The following SLC7A8 variants were observed in gnomAD, a reference collection of about 807,000 sequenced individuals.
The protein encoded by SLC7A8 is solute carrier family 7 member 8, also known as large neutral amino acids transporter small subunit 2.
SLC7A8 carries 30 observed loss-of-function variants against 51.2 expected under a neutral mutation model. The ratio of observed to expected loss-of-function variants is 0.59; its 90% CI spans 0.44 to 0.80. The LOEUF (loss-of-function observed/expected upper bound fraction) is 0.80. Ranked by LOEUF, SLC7A8 falls within the 30% of genes least tolerant of loss-of-function variation. The pLI is 0.00. For synonymous variants in SLC7A8, 257 were observed against 275.8 expected (o/e 0.93, Z 0.67); for missense variants, 612 against 674.4 (o/e 0.91, Z 1.03).
Position 23,140,627 on chromosome 14 carries a change from G to T in SLC7A8, c.635-3C>A, listed in dbSNP as rs764872443. 3.7e-6 allele frequency: 6 copies of T among 1,609,486 alleles called. No individual in the cohort carries two copies. The Admixed American group carries it at 5.0e-5, about 13-fold the overall frequency. ...TGGCTCCAGCCAGAAGTACTCTCCT[G>T]TGGACACAAGCAACAGGAGGCCGCT... On this transcript the variant is annotated splice_polypyrimidine_tract_variant and splice_region_variant and intron_variant, in intron 4 of 10. Transcript: ENST00000316902.
intron 1 of SLC7A8, among the ~76,000 whole-genome samples, chr14:23,173,283 T>C (rs1487040467): frequency 2.0e-5 from 3 of 152,136 alleles, no homozygotes; most frequent in African/African-American, 7.2e-5. Context: ...ATGGCAAGAT[T>C]TTAATGGGTG....
intron 3 of SLC7A8, among the ~76,000 whole-genome samples, chr14:23,163,976 T>G (rs2048936555): frequency 6.6e-6 from 1 of 151,982 alleles, no homozygotes; most frequent in African/African-American, 2.4e-5. Flanking sequence ...CTTTTTTTTT[T>G]TTAGAGACAG....
chr14:23,133,123 C>A (rs1175651586), intron 7 of SLC7A8, among the ~76,000 whole-genome samples: 1 of 152,022 alleles, frequency 6.6e-6, no homozygotes, highest in Non-Finnish European at 1.5e-5. Context: ...TATATCCTGT[C>A]TTGTGGGATT....
At chr14:23,161,757 A>G (rs1566370419) in intron 3 of SLC7A8, among the ~76,000 whole-genome samples, 2 of 152,076 alleles carry the variant, frequency 1.3e-5, no homozygotes, top group African/African-American at 4.8e-5. Flanking sequence ...GGGAAACCCC[A>G]TCTCTACTAA....
At chr14:23,139,011 G>A (rs2048716720) in intron 6 of SLC7A8, among the ~76,000 whole-genome samples, 1 of 152,204 alleles carries the variant, frequency 6.6e-6, no homozygotes, top group Non-Finnish European at 1.5e-5. Context: ...TTCTGGAGGA[G>A]AAGGCAGAGA....
At chr14:23,149,236 T>C (rs924484790) in intron 3 of SLC7A8, among the ~76,000 whole-genome samples, 2 of 152,210 alleles carry the variant, frequency 1.3e-5, no homozygotes, top group Non-Finnish European at 2.9e-5. Flanking sequence ...TTCAATACAG[T>C]AGCAAACAGC....
intron 6 of SLC7A8, among the ~76,000 whole-genome samples, chr14:23,138,493 G>A (rs1443949006): frequency 4.6e-5 from 7 of 151,338 alleles, no homozygotes; most frequent in Non-Finnish European, 2.9e-5. Flanking sequence ...GCTAGGAGCT[G>A]TGAGACCTTG....
intron 3 of SLC7A8, among the ~76,000 whole-genome samples, chr14:23,156,993 C>T (rs2140329804): frequency 6.6e-6 from 1 of 152,328 alleles, no homozygotes; most frequent in South Asian, 2.1e-4. Flanking sequence ...AGGTAACTTA[C>T]TTACTCTGCC....
intron 1 of SLC7A8, among the ~76,000 whole-genome samples, chr14:23,167,569 G>A (rs999125061): frequency 2.0e-5 from 3 of 152,058 alleles, no homozygotes; most frequent in Non-Finnish European, 2.9e-5. Flanking sequence ...TGTGTGTTAC[G>A]CAGACGAGGA....
In SLC7A8 at chr14:23,129,755, T is replaced by C. The variant is rs1056820390; in HGVS notation, c.1158A>G (p.Thr386=). The C allele has an allele frequency of 6.2e-7, 1 of 1,614,000 alleles. No individual in the cohort carries two copies. Among genetic ancestry groups the C allele is most frequent in the South Asian group, 1.1e-5 (1 of 91,068 alleles). The change falls in exon 9 of 11, where the codon ACA becomes ACG. Residue 386 remains threonine (T), a synonymous_variant. Coordinates refer to ENST00000316902, the MANE Select transcript of SLC7A8 (RefSeq NM_012244.4). ...TGATGAAGCCCACATAGTTGATGAGTGTGTACATGTCGCTGGTGACCAGCA... is the reference window on the plus strand; with the variant it reads ...TGATGAAGCCCACATAGTTGATGAGCGTGTACATGTCGCTGGTGACCAGCA... ...LLMLVTSDMY[T]LINYVGFINY...
At chr14:23,141,799 G>GA (rs1270646808) in intron 4 of SLC7A8, among the ~76,000 whole-genome samples, 31 of 152,190 alleles carry the variant, frequency 2.0e-4, no homozygotes, top group Non-Finnish European at 8.8e-5. Context: ...TTTAAGCAAA[G>GA]AGCTGTTTAA....
At chr14:23,169,581 A>G (rs567041643) in intron 1 of SLC7A8, among the ~76,000 whole-genome samples, 1 of 151,834 alleles carries the variant, frequency 6.6e-6, no homozygotes, top group South Asian at 2.1e-4. Flanking sequence ...TGATTTTTGT[A>G]TTTTTAGTAG....
chr14:23,181,622 T>C (rs1376643016), intron 1 of SLC7A8, among the ~76,000 whole-genome samples: 2 of 152,218 alleles, frequency 1.3e-5, no homozygotes, highest in African/African-American at 2.4e-5. Context: ...AGCTATTGCA[T>C]AGAACATGGC....
chr14:23,127,358 C>T lies in SLC7A8; in HGVS notation c.1442-15G>A. On this transcript the variant is annotated splice_polypyrimidine_tract_variant and intron_variant, in intron 10 of 10. Transcript: ENST00000316902. ...GGTTAGCAGCTCTGTAGGAAGAGAT[C>T]ACACAGAAACCAGGCCAATGCTGAG... The T allele has an allele frequency of 1.2e-6, 2 of 1,612,322 alleles. No homozygotes were observed. The highest frequency in any genetic ancestry group is 1.7e-6 in the Non-Finnish European group (2 of 1,178,618).
chr14:23,153,799 C>T lies in SLC7A8; in HGVS notation c.509-10595G>A, dbSNP rs551454567. ...GCACCTTTCTCAGGAGTGGACTGGA[C>T]TGGCTTGGAAAGGCTTGGTTTTCCT... is the stretch of plus-strand genomic sequence containing the variant. On this transcript the variant is annotated intron_variant, in intron 3 of 10. Coordinates refer to ENST00000316902, the MANE Select transcript of SLC7A8 (RefSeq NM_012244.4). Among the ~76,000 whole-genome samples the T allele has an allele frequency of 1.0e-3, 153 of 152,228 alleles. 7 individuals are homozygous for T. In the South Asian group the frequency reaches 0.025, roughly 25 times the overall value.
intron 10 of SLC7A8, among the ~76,000 whole-genome samples, chr14:23,127,606 C>T (rs577795769): frequency 3.9e-5 from 6 of 152,342 alleles, no homozygotes; most frequent in African/African-American, 7.2e-5. Flanking sequence ...CACCCAGCCT[C>T]GGGCAGCTCT....
At chr14:23,154,372 T>C in intron 3 of SLC7A8, 2 of 998,890 alleles carry the variant, frequency 2.0e-6, no homozygotes. Flanking sequence ...CCAGCAGCCC[T>C]CTGGGTCTGG....
chr14:23,132,009 T>C (rs987802234), intron 7 of SLC7A8, among the ~76,000 whole-genome samples: 1 of 146,320 alleles, frequency 6.8e-6, no homozygotes, highest in Admixed American at 6.7e-5. Context: ...ATTTTTTTTT[T>C]TTTTTTTTTT....
In SLC7A8 at chr14:23,139,455, T is replaced by C. The variant is rs1566359997; in HGVS notation, c.881A>G (p.Gln294Arg). The change falls in exon 6 of 11, where the codon CAG (glutamine) becomes CGG (arginine). Residue 294 changes from glutamine to arginine, a missense_variant. By Grantham distance (43) the Gln-to-Arg change is conservative. Transcript: ENST00000316902. Reference protein sequence around the residue: ...NVAYVTAMSPQELLASNAVAV... With the variant: ...NVAYVTAMSPRELLASNAVAV... ...GACGGCGTTGGATGCCAGCAGCTCC[T>C]GGGGGGACATTGCAGTGACATAAGC... is the stretch of plus-strand genomic sequence containing the variant. 5.6e-6 allele frequency: 9 copies of C among 1,614,088 alleles called. No homozygotes were observed. Among genetic ancestry groups the C allele is most frequent in the African/African-American group, 1.3e-5 (1 of 75,024 alleles).
Sources: allele counts gnomAD v4.1 joint callset (sites outside exome capture counted in the v4.1 genomes callset), GRCh38; gene constraint gnomAD v4.1.1; transcripts MANE v1.5; gene names NCBI Gene and HGNC (gene_info 2026-07-23, HGNC 2026-07-21).